ANO2: variants seen among roughly 807,000 people sequenced by gnomAD.
ANO2 encodes the protein anoctamin-2.
A neutral mutation model predicts 124.2 loss-of-function variants in ANO2; 101 were observed. The observed-to-expected ratio is 0.81, with a 90% confidence interval of 0.69 to 0.96. The LOEUF (loss-of-function observed/expected upper bound fraction) is 0.96, where lower values mean the gene tolerates loss of function less well. Among genes scored for constraint, ANO2 ranks in the 40% least tolerant of loss-of-function variants. ANO2 has a pLI of 0.00. For synonymous variants in ANO2, 486 were observed against 482.5 expected (o/e 1.01, Z -0.09); for missense variants, 1,293 against 1,274.5 (o/e 1.01, Z -0.22).
intron 14 of ANO2, among the ~76,000 whole-genome samples, chr12:5,653,337 T>A (rs986390444): frequency 2.0e-5 from 3 of 152,146 alleles, no homozygotes; most frequent in African/African-American, 4.8e-5. Context: ...TTCTGGCAAA[T>A]ATTTTGGGGG....
intron 14 of ANO2, among the ~76,000 whole-genome samples, chr12:5,696,516 C>T (rs1228465205): frequency 6.6e-6 from 1 of 152,150 alleles, no homozygotes; most frequent in Admixed American, 6.5e-5. Flanking sequence ...AGTTGGCACA[C>T]ATTTTTTTTA....
At chr12:5,819,587 GA>G (rs1953719564) in intron 7 of ANO2, among the ~76,000 whole-genome samples, 1 of 152,196 alleles carries the variant, frequency 6.6e-6, no homozygotes. Context: ...TAACGTAGAG[GA>G]AGAGATCCAA....
intron 3 of ANO2, among the ~76,000 whole-genome samples, chr12:5,912,930 T>C (rs990175118): frequency 1.3e-5 from 2 of 152,308 alleles, no homozygotes; most frequent in East Asian, 3.9e-4. Flanking sequence ...TTAAAACCCA[T>C]ATTTGCATTT....
intron 7 of ANO2, among the ~76,000 whole-genome samples, chr12:5,819,132 A>AC (rs1471138816): frequency 5.9e-5 from 9 of 152,216 alleles, no homozygotes; most frequent in African/African-American, 2.2e-4. Flanking sequence ...ATGAGATGCA[A>AC]CAGTGATGGC....
intron 3 of ANO2, among the ~76,000 whole-genome samples, chr12:5,916,743 C>A (rs1004030927): frequency 6.7e-6 from 1 of 150,082 alleles, no homozygotes; most frequent in Non-Finnish European, 1.5e-5. Context: ...AAACAAAACA[C>A]TGTATCTTTT....
intron 8 of ANO2, 25 bp from the exon 9 acceptor site, chr12:5,806,118 T>C (rs1469393425): frequency 1.9e-6 from 3 of 1,608,148 alleles, no homozygotes; most frequent in Admixed American, 3.4e-5. Context: ...TGATGCTGGA[T>C]AAAGCCAATG....
In ANO2 at chr12:5,910,573, T is replaced by C. The variant is rs575023505; in HGVS notation, c.534+10467A>G. 2.6e-5 allele frequency among the ~76,000 whole-genome samples: 4 copies of C among 152,318 alleles called. No individual in the cohort carries two copies. The South Asian group carries it at 8.3e-4, about 32-fold the overall frequency. The stretch of plus-strand genomic sequence containing the variant: ...AATTGAAGTAAATACTAAATGTCAG[T>C]TAAATGTTGATGAAAATAAAGATGT... On this transcript the variant is annotated intron_variant, in intron 3 of 24. Transcript: ENST00000682330.
chr12:5,864,430 T>C (rs1186825387), intron 3 of ANO2, among the ~76,000 whole-genome samples: 1 of 152,226 alleles, frequency 6.6e-6, no homozygotes. Context: ...CAGGGGATCC[T>C]GGATGAACTG....
At chr12:5,668,859 C>T (rs528303596) in intron 14 of ANO2, among the ~76,000 whole-genome samples, 26 of 152,150 alleles carry the variant, frequency 1.7e-4, no homozygotes, top group Non-Finnish European at 3.1e-4. Context: ...TGGTTGTAGA[C>T]GTATGGTCTT....
At chr12:5,611,225 T>TC (rs748774550) in intron 19 of ANO2, among the ~76,000 whole-genome samples, 2 of 152,078 alleles carry the variant, frequency 1.3e-5, no homozygotes, top group Non-Finnish European at 2.9e-5. Context: ...CACCTCAGCT[T>TC]CCCAAAGTGC....
intron 3 of ANO2, among the ~76,000 whole-genome samples, chr12:5,899,734 T>C (rs1238522175): frequency 6.6e-6 from 1 of 152,216 alleles, no homozygotes; most frequent in Non-Finnish European, 1.5e-5. Context: ...CTTAGAACCA[T>C]GTCATCTGCT....
chr12:5,635,811 G>A lies in ANO2; in HGVS notation c.1621-464C>T, dbSNP rs1398053080. Among the ~76,000 whole-genome samples the A allele has an allele frequency of 6.6e-6, 1 of 152,194 alleles. No individual in the cohort carries two copies. Among genetic ancestry groups the A allele is most frequent in the East Asian group, 1.9e-4 (1 of 5,198 alleles). The stretch of plus-strand genomic sequence containing the variant: ...AGTATAATTGCTGAAGGAACTCCAA[G>A]TACACGGGAGAAAGTAAATTTGAGT... On this transcript the variant is annotated intron_variant, in intron 15 of 24. Coordinates refer to ENST00000682330, the MANE Select transcript of ANO2 (RefSeq NM_001364791.2). This position sits in a 1 kb window ranked among gnomAD's most constrained non-coding sequence, Gnocchi z 5.2.
chr12:5,695,809 T>A (rs957140196), intron 14 of ANO2, among the ~76,000 whole-genome samples: 1 of 152,150 alleles, frequency 6.6e-6, no homozygotes, highest in Non-Finnish European at 1.5e-5. Flanking sequence ...CCATTGCACT[T>A]CAGCCTGGGT....
chr12:5,756,158 T>C (rs1444863932), intron 10 of ANO2, among the ~76,000 whole-genome samples: 1 of 151,944 alleles, frequency 6.6e-6, no homozygotes, highest in African/African-American at 2.4e-5. Flanking sequence ...CTGTATTAAG[T>C]TTTTTAGTTC....
intron 7 of ANO2, among the ~76,000 whole-genome samples, chr12:5,824,759 A>G (rs1953904675): frequency 6.6e-6 from 1 of 152,166 alleles, no homozygotes; most frequent in Non-Finnish European, 1.5e-5. Flanking sequence ...CATGCTGCTG[A>G]TAGAGACATA....
chr12:5,791,829 C>A (rs1310139500), intron 10 of ANO2, among the ~76,000 whole-genome samples: 1 of 152,110 alleles, frequency 6.6e-6, no homozygotes, highest in Non-Finnish European at 1.5e-5. Context: ...CTATATTTGT[C>A]AAAGCTCTTA....
At chr12:5,885,050 C>G (rs940360319) in intron 3 of ANO2, among the ~76,000 whole-genome samples, 1 of 152,190 alleles carries the variant, frequency 6.6e-6, no homozygotes, top group South Asian at 2.1e-4. Flanking sequence ...GGCCTCATGT[C>G]AGATTAATAT....
intron 1 of ANO2, among the ~76,000 whole-genome samples, chr12:5,941,127 TG>T (rs1942878049): frequency 6.6e-6 from 1 of 152,132 alleles, no homozygotes; most frequent in Admixed American, 6.5e-5. Context: ...CAACTGCCAT[TG>T]AGTGTGAAGT....
intron 14 of ANO2, among the ~76,000 whole-genome samples, chr12:5,648,017 A>G (rs74056604): frequency 0.011 from 1,671 of 152,296 alleles, 28 homozygotes; most frequent in African/African-American, 0.038. Context: ...CAGTGAAAAA[A>G]CAAGATTTGA....
Sources: allele counts gnomAD v4.1 joint callset (sites outside exome capture counted in the v4.1 genomes callset), GRCh38; gene constraint gnomAD v4.1.1; non-coding constraint Gnocchi (gnomAD v3.1); transcripts MANE v1.5; gene names NCBI Gene and HGNC (gene_info 2026-07-23, HGNC 2026-07-21).